Variants in HMCN1 observed in about 807,000 individuals in gnomAD.
HMCN1 encodes hemicentin 1.
Under a neutral mutation model 625.9 loss-of-function variants are expected in HMCN1, and 321 were observed. The observed-to-expected ratio is 0.51, with a 90% CI of 0.47 to 0.56. HMCN1 has a LOEUF of 0.56. HMCN1 is among the 20% of genes least tolerant of loss of function. The pLI is 0.00. For synonymous variants in HMCN1, 2,425 were observed against 2,417.6 expected (o/e 1.00, Z -0.09); for missense variants, 6,588 against 6,887.3 (o/e 0.96, Z 1.54).
rs74136003 is a variant in HMCN1 at position 186,048,872 on chromosome 1, G to T, written c.6577+33G>T. ...TAATCAGCTCTTGAAAGCAAATAAT[G>T]CAGCTGTGGTTTTTTGTGTCACTTA... On this transcript the variant is annotated intron_variant, in intron 42 of 106. Transcript: ENST00000271588. 1.3e-3 allele frequency: 1,707 copies of T among 1,305,738 alleles called. 13 individuals carry two copies. In the African/African-American group the frequency reaches 0.019, roughly 14 times the overall value. The allele number at this position is 1,305,738 out of a possible 1,614,324, so 80.9% of individuals were successfully genotyped here.
intron 36 of HMCN1, among the ~76,000 whole-genome samples, chr1:186,029,662 C>A (rs999921042): frequency 6.6e-6 from 1 of 151,030 alleles, no homozygotes; most frequent in African/African-American, 2.4e-5. Context: ...TTTTGTTGAT[C>A]TTTTCCAAGA....
chr1:185,817,235 A>T (rs189517785), intron 1 of HMCN1, among the ~76,000 whole-genome samples: 13 of 152,276 alleles, frequency 8.5e-5, no homozygotes, highest in Admixed American at 7.2e-4. Context: ...CCACATGATA[A>T]ATAAAGTCAT....
At chr1:186,019,303 A>C (rs1385682468) in intron 34 of HMCN1, among the ~76,000 whole-genome samples, 3 of 152,102 alleles carry the variant, frequency 2.0e-5, no homozygotes, top group African/African-American at 7.2e-5. Context: ...TACGGTAGCC[A>C]TAAATACAAT....
At position 186,076,461 on chromosome 1, in the gene HMCN1, G is replaced by A. The variant is rs1658817678; in HGVS notation, c.8324G>A (p.Gly2775Glu). 3 of 1,613,504 alleles carry A rather than the reference G, an allele frequency of 1.9e-6. No individual in the cohort carries two copies. The highest frequency in any genetic ancestry group is 2.5e-6 in the Non-Finnish European group (3 of 1,179,772). Residue 2775 changes from glycine (G) to glutamate (E), a missense_variant, in exon 54 of 107, where the codon GGA becomes GAA. Around this residue, in one of 3 missense-constraint regions of HMCN1, gnomAD observed 4,628 missense variants for 4,853.1 expected, o/e 0.95. Coordinates refer to ENST00000271588, the MANE Select transcript of HMCN1 (RefSeq NM_031935.3). Reference sequence around the variant, plus strand: ...AGTTTTCAGAAACTCTGGGAAATAGGAAACATGCTAGATACTGGCAGGAAT... The same window carrying A: ...AGTTTTCAGAAACTCTGGGAAATAGAAAACATGCTAGATACTGGCAGGAAT... The part of the protein sequence containing the change: ...PPSFQKLWEI[G>E]NMLDTGRNGE...
intron 2 of HMCN1, among the ~76,000 whole-genome samples, chr1:185,847,923 A>G (rs901415947): frequency 2.8e-4 from 42 of 152,234 alleles, no homozygotes; most frequent in African/African-American, 9.6e-4. Flanking sequence ...ACTACACTAC[A>G]GTGTGGGTGA....
intron 71 of HMCN1, among the ~76,000 whole-genome samples, chr1:186,110,019 G>C (rs1660802589): frequency 6.6e-6 from 1 of 152,154 alleles, no homozygotes; most frequent in East Asian, 1.9e-4. Context: ...TCAATCCTAG[G>C]AAAGGGTAAG....
At chr1:185,976,840 C>A (rs1030420945) in intron 15 of HMCN1, among the ~76,000 whole-genome samples, 2 of 152,118 alleles carry the variant, frequency 1.3e-5, no homozygotes, top group South Asian at 4.1e-4. Flanking sequence ...TATCAAGGAG[C>A]CTTCCCTAGG....
At chr1:185,868,335 G>A (rs6675790) in intron 4 of HMCN1, among the ~76,000 whole-genome samples, 4,678 of 152,076 alleles carry the variant, frequency 0.031, 258 homozygotes, top group African/African-American at 0.11. Context: ...ATATTGTTTC[G>A]CTGTGTCTCC....
intron 11 of HMCN1, among the ~76,000 whole-genome samples, chr1:185,946,297 G>T (rs10911785): frequency 0.16 from 20,074 of 122,164 alleles, 3,526 homozygotes; most frequent in African/African-American, 0.47. Context: ...TTTGATTCTG[G>T]GACTTTTACG....
chr1:185,886,806 A>G (rs950223383), intron 4 of HMCN1, among the ~76,000 whole-genome samples: 38 of 152,180 alleles, frequency 2.5e-4, no homozygotes, highest in African/African-American at 8.4e-4. Context: ...AGCTTCCTCA[A>G]ATATCACTTT....
At chr1:186,128,420 T>C in intron 83 of HMCN1, 129 bp downstream of exon 83, 1 of 760,132 alleles carries the variant, frequency 1.3e-6, no homozygotes, top group Non-Finnish European at 2.2e-6. Context: ...GTAAAATGTG[T>C]GCCTCTGCTT....
intron 48 of HMCN1, among the ~76,000 whole-genome samples, chr1:186,064,687 G>A (rs1347546964): frequency 1.3e-5 from 2 of 151,570 alleles, no homozygotes; most frequent in South Asian, 2.1e-4. Context: ...GCAAGCACCT[G>A]TAGTCCCAGC....
At position 186,125,771 on chromosome 1, in the gene HMCN1, G is replaced by A. The variant is rs1400175925; in HGVS notation, c.12667G>A (p.Glu4223Lys). Residue 4223 changes from glutamate to lysine, a missense_variant, in exon 82 of 107, where the codon GAA becomes AAA. Physicochemically the swap from Glu to Lys is moderately conservative, Grantham distance 56. Coordinates refer to ENST00000271588, the MANE Select transcript of HMCN1 (RefSeq NM_031935.3). Reference protein sequence around the residue: ...LGKYTAEPYGELILENVVLED... With the variant: ...LGKYTAEPYGKLILENVVLED... Reference sequence around the variant, plus strand: ...AAAATACACTGCTGAACCATATGGAGAACTCATTTTAGAAAATGTTGTGGT... The same window carrying A: ...AAAATACACTGCTGAACCATATGGAAAACTCATTTTAGAAAATGTTGTGGT... 7.4e-6 allele frequency: 12 copies of A among 1,613,002 alleles called. No homozygotes were observed. In the East Asian group the frequency reaches 2.7e-4, roughly 36 times the overall value.
chr1:185,993,438 T>C, intron 23 of HMCN1, 129 bp downstream of exon 23: 1 of 970,760 alleles, frequency 1.0e-6, no homozygotes, highest in Non-Finnish European at 1.6e-6. Flanking sequence ...TTCTCTAAAA[T>C]CTGAGACTTG....
At position 186,144,701 on chromosome 1, in the gene HMCN1, C is replaced by CAAGT; in HGVS notation, c.14265_14266+2dup. ...GATTTTTGCAACAGTGACCCTTGCC[C>CAAGT]AAGTGAGTGTTGGAAATAGTGAGTC... On this transcript the variant is annotated frameshift_variant and splice_region_variant, in exon 91 of 107. Coordinates refer to ENST00000271588, the MANE Select transcript of HMCN1 (RefSeq NM_031935.3). LOFTEE classifies it high-confidence loss of function. The CAAGT allele has an allele frequency of 1.9e-6, 3 of 1,613,972 alleles. No individual in the cohort carries two copies. The highest frequency in any genetic ancestry group is 2.5e-6 in the Non-Finnish European group (3 of 1,179,918).
chr1:185,877,321 CTTTTTTTTTTTT>C (rs71557837), intron 4 of HMCN1, among the ~76,000 whole-genome samples: 7 of 34,876 alleles, frequency 2.0e-4, no homozygotes, highest in Non-Finnish European at 3.7e-4. Flanking sequence ...ATGTGTCTTT[CTTTTTTTTTTTT>C]TTTTTTTTTT....
rs760269556 is a variant in HMCN1, at chr1:186,130,514, A to C, written c.13047A>C (p.Pro4349=). ...AIGFVYVKEP[P]VFKGDYPSNW... ...TCTTATGTTGTTTTCCAGAACCTCC[A>C]GTCTTCAAAGGTGATTATCCTTCTA... Residue 4349 remains proline, a synonymous_variant, in exon 85 of 107, where the codon CCA becomes CCC. Transcript: ENST00000271588. 4 of 1,613,260 alleles carry C rather than the reference A, an allele frequency of 2.5e-6. No individual in the cohort carries two copies. In the Admixed American group the frequency reaches 6.7e-5, roughly 27 times the overall value.
At chr1:186,080,357 G>C (rs1278331851) in intron 55 of HMCN1, among the ~76,000 whole-genome samples, 1 of 152,086 alleles carries the variant, frequency 6.6e-6, no homozygotes, top group Non-Finnish European at 1.5e-5. Context: ...GGGGAAATAA[G>C]CTTTCAAAAC....
At position 186,187,893 on chromosome 1, in the gene HMCN1, A is replaced by G; in HGVS notation, c.16425A>G (p.Glu5475=). Reference sequence around the variant, plus strand: ...CTGTGCTGTCCCTAGATATCGATGAATGTCTGGAGCAGAATGTGCACTGTG... The same window carrying G: ...CTGTGCTGTCCCTAGATATCGATGAGTGTCTGGAGCAGAATGTGCACTGTG... The part of the protein sequence containing the change: ...HNGKTCQDID[E]CLEQNVHCGP... Residue 5475 remains glutamate (E), a synonymous_variant, in exon 106 of 107, where the codon GAA becomes GAG. Coordinates refer to ENST00000271588, the MANE Select transcript of HMCN1 (RefSeq NM_031935.3). The G allele has an allele frequency of 6.2e-7, 1 of 1,613,766 alleles. No individual in the cohort carries two copies. Among genetic ancestry groups the G allele is most frequent in the Non-Finnish European group, 8.5e-7 (1 of 1,179,770 alleles).
Sources: gnomAD v4.1 joint callset for allele counts (sites outside exome capture counted in the v4.1 genomes callset) on GRCh38, gnomAD v4.1.1 for gene constraint, gnomAD v4.1.1 regional missense constraint, MANE v1.5 for transcripts, NCBI Gene and HGNC (gene_info 2026-07-23, HGNC 2026-07-21) for gene names.